The following HDAC8 variants were observed in gnomAD, a reference collection of about 807,000 sequenced individuals.
The protein encoded by HDAC8 is histone deacetylase 8.
Under a neutral mutation model 32.2 loss-of-function variants are expected in HDAC8, and 1 was observed. That is an observed-to-expected ratio of 0.03 (90% CI 0.01 to 0.15). The LOEUF (loss-of-function observed/expected upper bound fraction) is 0.15, where lower values mean the gene tolerates loss of function less well. Among genes scored for constraint, HDAC8 ranks in the 10% least tolerant of loss-of-function variants. The pLI is 1.00. For missense variants in HDAC8, 117 were observed against 300.0 expected, an observed-to-expected ratio of 0.39 and a Z score of 4.51; for synonymous variants, 108 against 113.9, an observed-to-expected ratio of 0.95 and a Z score of 0.33.
chrX:72,559,650 G>A (rs1356892593), intron 4 of HDAC8, among the ~76,000 whole-genome samples: 7 of 103,262 alleles, frequency 6.8e-5, no homozygotes, highest in Admixed American at 2.0e-4. Context: ...GCCGCCCATC[G>A]TCTGAGATGT....
At chrX:72,571,081 C>T (rs1272712442) in intron 2 of HDAC8, among the ~76,000 whole-genome samples, 5 of 111,410 alleles carry the variant, frequency 4.5e-5, no homozygotes, top group African/African-American at 1.3e-4. Flanking sequence ...CCTGCCACCA[C>T]GCCCGGCTAA....
At chrX:72,439,437 T>G (rs2047051420) in intron 9 of HDAC8, among the ~76,000 whole-genome samples, 1 of 110,844 alleles carries the variant, frequency 9.0e-6, no homozygotes, top group African/African-American at 3.3e-5. Flanking sequence ...AGCATCATAA[T>G]GACAGGATCA....
chrX:72,571,020 G>T (rs1164529131), intron 2 of HDAC8, among the ~76,000 whole-genome samples: 3 of 111,956 alleles, frequency 2.7e-5, no homozygotes. Flanking sequence ...CGCCTCTCGG[G>T]TTCACACCAT....
At chrX:72,407,209 C>T (rs782543529) in intron 9 of HDAC8, among the ~76,000 whole-genome samples, 2 of 112,633 alleles carry the variant, frequency 1.8e-5, no homozygotes, top group South Asian at 7.3e-4. Context: ...TAATCACAAG[C>T]GTTCTCATAA....
At chrX:72,490,215 A>C (rs1569339798) in intron 6 of HDAC8, among the ~76,000 whole-genome samples, 1 of 110,456 alleles carries the variant, frequency 9.1e-6, no homozygotes, top group Non-Finnish European at 1.9e-5. Context: ...GGGATCTAGA[A>C]CTAGAAATAC....
chrX:72,408,523 G>A (rs2046106833), intron 9 of HDAC8, among the ~76,000 whole-genome samples: 1 of 111,252 alleles, frequency 9.0e-6, no homozygotes, highest in South Asian at 3.8e-4. Context: ...TCTCTTGTCA[G>A]CCTCCCGAGT....
chrX:72,383,769 C>T (rs953567271), intron 9 of HDAC8, among the ~76,000 whole-genome samples: 3 of 105,506 alleles, frequency 2.8e-5, no homozygotes, highest in African/African-American at 1.0e-4. Context: ...AGTCGGGAGG[C>T]TGAGGCAGGA....
At chrX:72,383,177 C>G (rs2045314965) in intron 9 of HDAC8, among the ~76,000 whole-genome samples, 1 of 112,085 alleles carries the variant, frequency 8.9e-6, no homozygotes, top group African/African-American at 3.2e-5. Context: ...AGAAACTCTG[C>G]CCTATTAGGA....
chrX:72,568,157 G>A, intron 3 of HDAC8, 127 bp from the exon 4 acceptor site: 1 of 524,432 alleles, frequency 1.9e-6, no homozygotes. Flanking sequence ...AACTGAGACA[G>A]AAACAACTCC....
chrX:72,561,942 C>T (rs2051577220), intron 4 of HDAC8, among the ~76,000 whole-genome samples: 1 of 112,288 alleles, frequency 8.9e-6, no homozygotes, highest in Admixed American at 9.4e-5. Context: ...CTCAACATCA[C>T]TAGCGATCAG....
chrX:72,386,298 T>C (rs1006189057), intron 9 of HDAC8, among the ~76,000 whole-genome samples: 4 of 111,690 alleles, frequency 3.6e-5, no homozygotes, highest in African/African-American at 1.3e-4. Context: ...AAAAAATCAT[T>C]TCCCCCAAAT....
At chrX:72,511,456 G>A (rs782233507) in intron 4 of HDAC8, among the ~76,000 whole-genome samples, 3 of 111,406 alleles carry the variant, frequency 2.7e-5, no homozygotes, top group Non-Finnish European at 5.6e-5. Context: ...CAGCTGTCTC[G>A]GGCTTAATAC....
intron 9 of HDAC8, among the ~76,000 whole-genome samples, chrX:72,385,282 G>A (rs1171976799): frequency 9.0e-6 from 1 of 110,868 alleles, no homozygotes; most frequent in Non-Finnish European, 1.9e-5. Flanking sequence ...GGGCACCATA[G>A]CAAGATCTTG....
chrX:72,363,564 C>T (rs1295878815), intron 9 of HDAC8, among the ~76,000 whole-genome samples: 3 of 110,734 alleles, frequency 2.7e-5, no homozygotes, highest in African/African-American at 9.9e-5. Flanking sequence ...ACCCACACCT[C>T]CAATGAACTT....
At chrX:72,536,315 C>T (rs1326990528) in intron 4 of HDAC8, among the ~76,000 whole-genome samples, 3 of 112,210 alleles carry the variant, frequency 2.7e-5, no homozygotes, top group Non-Finnish European at 3.8e-5. Context: ...TGGACACTTA[C>T]ATGATAGAAA....
intron 4 of HDAC8, among the ~76,000 whole-genome samples, chrX:72,522,126 T>G (rs2050002303): frequency 2.7e-5 from 3 of 112,235 alleles, no homozygotes; most frequent in Non-Finnish European, 5.6e-5. Flanking sequence ...TGGCTCACTC[T>G]CTGACACCTG....
At chrX:72,340,170 G>T (rs1276700272) in intron 10 of HDAC8, among the ~76,000 whole-genome samples, 1 of 111,770 alleles carries the variant, frequency 8.9e-6, no homozygotes, top group Non-Finnish European at 1.9e-5. Context: ...GCCTAAATCT[G>T]CTGGCTTCAT....
intron 5 of HDAC8, among the ~76,000 whole-genome samples, chrX:72,493,701 T>C (rs954205162): frequency 9.8e-5 from 11 of 111,834 alleles, no homozygotes; most frequent in South Asian, 3.7e-4. Context: ...ACCATTCTTA[T>C]TTTATTTTTT....
chrX:72,421,728 A>G (rs142016337), intron 9 of HDAC8, among the ~76,000 whole-genome samples: 6,553 of 111,908 alleles, frequency 0.059, 215 homozygotes, highest in Non-Finnish European at 0.094. Flanking sequence ...ATGTTTGCCC[A>G]TGTAGATTTC....
Sources: allele counts gnomAD v4.1 joint callset (sites outside exome capture counted in the v4.1 genomes callset), GRCh38; gene constraint gnomAD v4.1.1; transcripts MANE v1.5; gene names NCBI Gene and HGNC (gene_info 2026-07-23, HGNC 2026-07-21).